The following UBR2 variants were observed in gnomAD, a reference collection of about 807,000 sequenced individuals.
UBR2 encodes the protein E3 ubiquitin-protein ligase UBR2.
In UBR2, 92 loss-of-function variants were observed where a neutral mutation model predicts 247.9. That is an observed-to-expected ratio of 0.37 (90% confidence interval 0.31 to 0.44). UBR2 has a LOEUF of 0.44. Among genes scored for constraint, UBR2 ranks in the 20% least tolerant of loss-of-function variants. The pLI, the probability that UBR2 is intolerant of heterozygous loss-of-function variation, is 1.00. For missense variants in UBR2, 1,613 were observed against 2,112.6 expected, an observed-to-expected ratio of 0.76 and a Z score of 4.64; for synonymous variants, 672 against 693.5, an observed-to-expected ratio of 0.97 and a Z score of 0.49.
At chr6:42,633,606 G>A (rs181104313) in intron 13 of UBR2, among the ~76,000 whole-genome samples, 55 of 151,834 alleles carry the variant, frequency 3.6e-4, no homozygotes, top group Admixed American at 3.6e-3. Flanking sequence ...GTCCAGGCTG[G>A]TCTCGAACTC....
At chr6:42,661,138 CA>C (rs1016674548) in intron 30 of UBR2, among the ~76,000 whole-genome samples, 2 of 150,136 alleles carry the variant, frequency 1.3e-5, no homozygotes, top group African/African-American at 4.9e-5. Context: ...CTAAAAAATA[CA>C]AAAAAAAATT....
At chr6:42,661,687 CTT>C (rs1797815907) in intron 30 of UBR2, among the ~76,000 whole-genome samples, 1 of 152,088 alleles carries the variant, frequency 6.6e-6, no homozygotes, top group South Asian at 2.1e-4. Flanking sequence ...TTTGTTGTCA[CTT>C]TGGCTCTGAT....
intron 2 of UBR2, among the ~76,000 whole-genome samples, chr6:42,579,046 G>A (rs566410000): frequency 6.6e-6 from 1 of 151,992 alleles, no homozygotes; most frequent in Non-Finnish European, 1.5e-5. Context: ...AAAACTGAGT[G>A]TTAGGCTGTT....
intron 38 of UBR2, 141 bp from the exon 39 acceptor site, chr6:42,675,915 C>G (rs1798694367): frequency 8.6e-7 from 1 of 1,158,568 alleles, no homozygotes; most frequent in African/African-American, 1.6e-5. Context: ...CGAGGTTGCG[C>G]CATTGCACTC....
intron 15 of UBR2, among the ~76,000 whole-genome samples, chr6:42,638,473 ATAAAG>A (rs2151955593): frequency 6.6e-6 from 1 of 152,336 alleles, no homozygotes; most frequent in East Asian, 1.9e-4. Context: ...TCTGAGGCTT[ATAAAG>A]TTGTTATTCC....
chr6:42,678,791 G>T, intron 41 of UBR2, 122 bp downstream of exon 41: 3 of 1,084,788 alleles, frequency 2.8e-6, no homozygotes. Flanking sequence ...ATTGACTATG[G>T]TGATGTACAC....
chr6:42,568,963 C>A (rs143009978), intron 1 of UBR2, among the ~76,000 whole-genome samples: 1 of 152,102 alleles, frequency 6.6e-6, no homozygotes, highest in Admixed American at 6.6e-5. Context: ...TTGGATTTCA[C>A]GTTTTCAAAT....
chr6:42,665,749 A>G (rs1048681157), intron 33 of UBR2, among the ~76,000 whole-genome samples: 2 of 151,528 alleles, frequency 1.3e-5, no homozygotes, highest in African/African-American at 4.9e-5. Flanking sequence ...ATTTTATTGA[A>G]GAGCTTCTGG....
chr6:42,645,708 G>A, intron 21 of UBR2, 118 bp downstream of exon 21: 1 of 1,085,478 alleles, frequency 9.2e-7, no homozygotes. Flanking sequence ...ATTGTCATGG[G>A]ATGTGTATAA....
chr6:42,571,432 A>G (rs1264383478), intron 1 of UBR2, among the ~76,000 whole-genome samples: 1 of 152,010 alleles, frequency 6.6e-6, no homozygotes, highest in Non-Finnish European at 1.5e-5. Flanking sequence ...AGGATCATGG[A>G]GGTGAATTAT....
Position 42,603,696 on chromosome 6 carries a change from T to C in UBR2, c.640T>C (p.Leu214=), listed in dbSNP as rs767577418. The C allele has an allele frequency of 6.3e-7, 1 of 1,598,078 alleles. No individual in the cohort carries two copies. Among genetic ancestry groups the C allele is most frequent in the Non-Finnish European group, 8.5e-7 (1 of 1,176,470 alleles). Residue 214 remains leucine (L), a synonymous_variant, in exon 5 of 47, where the codon TTG becomes CTG. Transcript: ENST00000372901. ...EILTWEKESE[L]PADLEMVEKS... ...ATTAACCTGGGAAAAAGAAAGTGAATTGCCAGCAGATTTAGAGATGGTGTA... is the reference window on the plus strand; with the variant it reads ...ATTAACCTGGGAAAAAGAAAGTGAACTGCCAGCAGATTTAGAGATGGTGTA...
chr6:42,615,267 A>G (rs1794468824), intron 9 of UBR2, 89 bp downstream of exon 9: 1 of 970,806 alleles, frequency 1.0e-6, no homozygotes, highest in Admixed American at 2.9e-5. Flanking sequence ...AAGATATTTA[A>G]TACATATATT....
intron 34 of UBR2, among the ~76,000 whole-genome samples, chr6:42,668,288 C>T (rs958510378): frequency 1.3e-5 from 2 of 152,000 alleles, no homozygotes; most frequent in African/African-American, 2.4e-5. Context: ...TTTTCATGTT[C>T]GAAAATATGT....
intron 9 of UBR2, 55 bp downstream of exon 9, chr6:42,615,233 T>C (rs1239536758): frequency 7.4e-7 from 1 of 1,355,314 alleles, no homozygotes; most frequent in Non-Finnish European, 1.0e-6. Context: ...GTAATTGGGA[T>C]GTGAAAGGTT....
intron 1 of UBR2, among the ~76,000 whole-genome samples, chr6:42,564,973 G>A (rs893563405): frequency 6.6e-6 from 1 of 152,094 alleles, no homozygotes; most frequent in African/African-American, 2.4e-5. Flanking sequence ...CAACGTTGAT[G>A]CATGTGTGGA....
chr6:42,666,341 C>G, intron 34 of UBR2, 96 bp downstream of exon 34: 2 of 1,024,288 alleles, frequency 2.0e-6, no homozygotes, highest in South Asian at 3.0e-5. Context: ...AGTGAGGGAG[C>G]AAAATGTTAT....
intron 26 of UBR2, among the ~76,000 whole-genome samples, chr6:42,656,855 G>A (rs901278848): frequency 6.6e-6 from 1 of 152,034 alleles, no homozygotes; most frequent in African/African-American, 2.4e-5. Flanking sequence ...TAATACTGTT[G>A]TTTTTGCTTT....
In UBR2 at chr6:42,644,514, A is replaced by G. The variant is rs1334503135; in HGVS notation, c.2262A>G (p.Leu754=). 3.7e-6 allele frequency: 6 copies of G among 1,610,720 alleles called. No homozygotes were observed. Among genetic ancestry groups the G allele is most frequent in the Non-Finnish European group, 5.1e-6 (6 of 1,179,070 alleles). Residue 754 remains leucine (L), a synonymous_variant, in exon 20 of 47, where the codon CTA becomes CTG. Transcript: ENST00000372901. The stretch of plus-strand genomic sequence containing the variant: ...ACAATACTCTAATAGAAGAAATGCT[A>G]TACCTCATTATAATGCTTGTTGGTA... ...QQNNTLIEEM[L]YLIIMLVGER...
At chr6:42,601,051 A>G (rs1793326482) in intron 4 of UBR2, among the ~76,000 whole-genome samples, 1 of 152,236 alleles carries the variant, frequency 6.6e-6, no homozygotes, top group South Asian at 2.1e-4. Flanking sequence ...ACTGTTGGTT[A>G]GGATTCTCAA....
Sources: allele counts gnomAD v4.1 joint callset (sites outside exome capture counted in the v4.1 genomes callset), GRCh38; gene constraint gnomAD v4.1.1; transcripts MANE v1.5; gene names NCBI Gene and HGNC (gene_info 2026-07-23, HGNC 2026-07-21).